BRF1: variants seen among roughly 807,000 people sequenced by gnomAD.
BRF1 encodes the protein BRF1 general transcription factor IIIB subunit.
Under a neutral mutation model 81.7 loss-of-function variants are expected in BRF1, and 59 were observed. The observed-to-expected ratio is 0.72, with a 90% CI of 0.59 to 0.90. The LOEUF (loss-of-function observed/expected upper bound fraction) is 0.90. BRF1 is among the 40% of genes least tolerant of loss of function. The pLI is 0.00. For synonymous variants in BRF1, 491 were observed against 395.6 expected (o/e 1.24, Z -2.86); for missense variants, 1,050 against 936.3 (o/e 1.12, Z -1.58).
chr14:105,224,696 C>G (rs1420513975), intron 10 of BRF1, among the ~76,000 whole-genome samples: 19 of 152,142 alleles, frequency 1.2e-4, no homozygotes, highest in Admixed American at 1.2e-3. Flanking sequence ...TACAGGTGCA[C>G]ACTCCCATGC....
At chr14:105,245,459 A>C (rs923307615) in intron 5 of BRF1, among the ~76,000 whole-genome samples, 1 of 152,236 alleles carries the variant, frequency 6.6e-6, no homozygotes, top group African/African-American at 2.4e-5. Flanking sequence ...AAGTAGGCAA[A>C]GGGACTAATA....
At chr14:105,257,080 G>A (rs1265935092) in intron 3 of BRF1, among the ~76,000 whole-genome samples, 2 of 152,090 alleles carry the variant, frequency 1.3e-5, no homozygotes, top group Non-Finnish European at 2.9e-5. Context: ...GCGCCACTGG[G>A]GGCTGCGCTC....
chr14:105,305,113 G>A (rs914690516), upstream of BRF1, among the ~76,000 whole-genome samples: 4 of 152,164 alleles, frequency 2.6e-5, no homozygotes, highest in African/African-American at 9.7e-5. Context: ...CCTCAGAAAA[G>A]TGGCTGGCTG....
At chr14:105,226,379 C>T in intron 8 of BRF1, 89 bp from the exon 9 acceptor site, 1 of 1,566,330 alleles carries the variant, frequency 6.4e-7, no homozygotes. Flanking sequence ...CCAGGGACCA[C>T]AGGCTGCTAG....
chr14:105,245,438 T>C (rs2055022246), intron 5 of BRF1, among the ~76,000 whole-genome samples: 1 of 151,982 alleles, frequency 6.6e-6, no homozygotes, highest in Non-Finnish European at 1.5e-5. Context: ...ATTAACAAAA[T>C]TAATTATTTA....
intron 11 of BRF1, 21 bp downstream of exon 11, chr14:105,221,627 C>G: frequency 6.2e-7 from 1 of 1,601,562 alleles, no homozygotes; most frequent in Non-Finnish European, 8.5e-7. Context: ...CAGCGTCCCC[C>G]AGGGCCCCAT....
intron 6 of BRF1, among the ~76,000 whole-genome samples, chr14:105,229,378 G>A (rs997828467): frequency 6.6e-6 from 1 of 152,218 alleles, no homozygotes; most frequent in Admixed American, 6.5e-5. Context: ...CAGATGGAAC[G>A]GCTTCTCAGG....
chr14:105,250,086 A>G, intron 5 of BRF1: 1 of 1,612,996 alleles, frequency 6.2e-7, no homozygotes, highest in East Asian at 2.2e-5. Flanking sequence ...ATGACCCTAG[A>G]GGAGTTTGCC....
At chr14:105,216,012 G>A (rs796832886) in intron 15 of BRF1, among the ~76,000 whole-genome samples, 5 of 112,298 alleles carry the variant, frequency 4.5e-5, no homozygotes, top group East Asian at 5.3e-4. Context: ...GCACACACAC[G>A]CTGCAGGCAT....
chr14:105,292,627 C>T (rs4555082), intron 1 of BRF1, among the ~76,000 whole-genome samples: 45,526 of 152,008 alleles, frequency 0.3, 7,046 homozygotes, highest in African/African-American at 0.33. Flanking sequence ...TGGACCAGAC[C>T]GCAGTGCATC....
chr14:105,250,396 C>A (rs139399681), intron 5 of BRF1: 3 of 1,613,804 alleles, frequency 1.9e-6, no homozygotes, highest in East Asian at 2.2e-5. Context: ...TCAAGCGGCT[C>A]GGGGTGGTTC....
Position 105,221,664 on chromosome 14 carries a change from A to G in BRF1, c.1299T>C (p.Ser433=). ...ISDSIRECIS[S]QSSDPKDASG... ...AGAACTCACTGGGGTCGCTGCTCTG[A>G]GAGGAGATGCATTCGCGGATGGAGT... is the stretch of plus-strand genomic sequence containing the variant. The change falls in exon 11 of 18, where the codon TCT becomes TCC. Residue 433 remains serine, a synonymous_variant. Coordinates refer to ENST00000547530, the MANE Select transcript of BRF1 (RefSeq NM_001519.4). 1 of 1,611,064 alleles carries G rather than the reference A, an allele frequency of 6.2e-7. No homozygotes were observed. Among genetic ancestry groups the G allele is most frequent in the Middle Eastern group, 2.0e-4 (1 of 5,012 alleles).
At chr14:105,247,299 G>A (rs1342215053) in intron 5 of BRF1, 1 of 985,468 alleles carries the variant, frequency 1.0e-6, no homozygotes, top group Non-Finnish European at 1.2e-6. Flanking sequence ...TGCAGCAGGT[G>A]ATCTCCAGCT....
At chr14:105,216,242 T>C (rs587616416) in intron 15 of BRF1, among the ~76,000 whole-genome samples, 1 of 152,318 alleles carries the variant, frequency 6.6e-6, no homozygotes, top group African/African-American at 2.4e-5. Flanking sequence ...CTGTGAACCC[T>C]GTCACCAGGC....
intron 2 of BRF1, among the ~76,000 whole-genome samples, chr14:105,281,989 T>G (rs1306776390): frequency 6.6e-6 from 1 of 152,076 alleles, no homozygotes; most frequent in Non-Finnish European, 1.5e-5. Flanking sequence ...GAAAGGCTCA[T>G]CAGGTCAATG....
Position 105,209,496 on chromosome 14 carries a change from T to A in BRF1, c.*1055A>T, listed in dbSNP as rs1445986320. ...GGGGTCAGTGAGGCACGGCTCTGCC[T>A]CAAGGCCACCCCCTCCTAAGGACAC... On this transcript the variant is annotated 3_prime_UTR_variant, in exon 18 of 18. Coordinates refer to ENST00000547530, the MANE Select transcript of BRF1 (RefSeq NM_001519.4). 2.9e-6 allele frequency: 2 copies of A among 701,550 alleles called. No homozygotes were observed. Among genetic ancestry groups the A allele is most frequent in the South Asian group, 3.0e-5 (2 of 67,526 alleles). The allele number at this position is 701,550 out of a possible 1,614,324, so 43.5% of individuals were successfully genotyped here.
Position 105,254,260 on chromosome 14 carries a change from AGTTT to A in BRF1, c.472-1685_472-1682del, listed in dbSNP as rs371801774. ...AAAACGCGTGCAGTTTTTTTGTTTT[AGTTT>A]GTTTGTTTTTGAGACGGAGTCTTGC... is the stretch of plus-strand genomic sequence containing the variant. On this transcript the variant is annotated intron_variant, in intron 4 of 17. Transcript: ENST00000547530. Among the ~76,000 whole-genome samples, 880 of 152,220 alleles carry A rather than the reference AGTTT, an allele frequency of 5.8e-3. 10 individuals are homozygous for A. The highest frequency in any genetic ancestry group is 0.049 in the South Asian group (235 of 4,814).
intron 3 of BRF1, among the ~76,000 whole-genome samples, chr14:105,263,441 C>A (rs995101511): frequency 6.6e-6 from 1 of 152,046 alleles, no homozygotes; most frequent in Non-Finnish European, 1.5e-5. Context: ...GCCACAGGCA[C>A]CAGGCTGAGG....
chr14:105,210,074 C>T lies in BRF1; in HGVS notation c.*477G>A, dbSNP rs770481474. The T allele has an allele frequency of 9.1e-6, 2 of 219,526 alleles. No homozygotes were observed. The highest frequency in any genetic ancestry group is 1.8e-5 in the Non-Finnish European group (2 of 110,974). 13.6% of individuals were successfully genotyped at this position (219,526 alleles called of 1,614,324 possible). A position where few individuals can be genotyped will look rare whatever the true frequency, so the allele number is the denominator to read the frequency against. ...GCGCCGGACACCTGCAGGGCTCTGG[C>T]TTCCACTCTGGCAGAGGCTGCTGGC... On this transcript the variant is annotated 3_prime_UTR_variant, in exon 18 of 18. Coordinates refer to ENST00000547530, the MANE Select transcript of BRF1 (RefSeq NM_001519.4). The surrounding 1 kb of genome is among the most constrained non-coding windows in gnomAD (Gnocchi z 4.7).
Sources: gnomAD v4.1 joint callset for allele counts (sites outside exome capture counted in the v4.1 genomes callset) on GRCh38, gnomAD v4.1.1 for gene constraint, Gnocchi (gnomAD v3.1) non-coding constraint, MANE v1.5 for transcripts, NCBI Gene and HGNC (gene_info 2026-07-23, HGNC 2026-07-21) for gene names.